Variants in PABPC4L observed in about 807,000 individuals in gnomAD.
The protein encoded by PABPC4L is polyadenylate-binding protein 4-like.
For synonymous variants in PABPC4L, 169 were observed against 164.1 expected, an observed-to-expected ratio of 1.03 and a Z score of -0.23; for missense variants, 452 against 451.4, an observed-to-expected ratio of 1.00 and a Z score of -0.01.
the PABPC4L span, among the ~76,000 whole-genome samples, chr4:134,133,278 T>A: frequency 7.2e-6 from 1 of 138,816 alleles, no homozygotes; most frequent in East Asian, 2.1e-4. Flanking sequence ...AATTATTTAT[T>A]ATATATAATT....
the PABPC4L span, among the ~76,000 whole-genome samples, chr4:134,128,623 A>G: frequency 6.6e-6 from 1 of 152,158 alleles, no homozygotes; most frequent in Non-Finnish European, 1.5e-5. Context: ...ATTCAGCACT[A>G]TCAAGCCAGC....
At chr4:133,965,754 A>C in the PABPC4L span, among the ~76,000 whole-genome samples, 1 of 152,256 alleles carries the variant, frequency 6.6e-6, no homozygotes, top group East Asian at 1.9e-4. Flanking sequence ...TAGGATAGAT[A>C]ATTGGCTAGC....
chr4:133,998,812 C>A, the PABPC4L span, among the ~76,000 whole-genome samples: 2 of 151,552 alleles, frequency 1.3e-5, no homozygotes, highest in Non-Finnish European at 2.9e-5. Flanking sequence ...TAGGATCTTT[C>A]CCCCTAGTTT....
rs995356419 is a variant in PABPC4L at position 134,198,913 on chromosome 4, T to C, written c.*994A>G. Reference sequence around the variant, plus strand: ...CTTAATGGGTTCCATAGCTGCCACATTCTAATAAAAGGAGATGTGAGTACA... The same window carrying C: ...CTTAATGGGTTCCATAGCTGCCACACTCTAATAAAAGGAGATGTGAGTACA... On this transcript the variant is annotated 3_prime_UTR_variant, in exon 2 of 2. Coordinates refer to ENST00000421491, the MANE Select transcript of PABPC4L (RefSeq NM_001114734.2). 2.0e-5 allele frequency: 3 copies of C among 151,984 alleles called. No homozygotes were observed. Among genetic ancestry groups the C allele is most frequent in the African/African-American group, 7.2e-5 (3 of 41,422 alleles). 9.4% of individuals were successfully genotyped at this position (151,984 alleles called of 1,614,324 possible). A position where few individuals can be genotyped will look rare whatever the true frequency, so the allele number is the denominator to read the frequency against.
In PABPC4L at chr4:134,199,243, C is replaced by T. The variant is rs1042811949; in HGVS notation, c.*664G>A. ...AACTAGTAAGTACCTGAATTATAGT[C>T]AACTAATGGAAAGAACAAAACACAT... is the stretch of plus-strand genomic sequence containing the variant. On this transcript the variant is annotated 3_prime_UTR_variant, in exon 2 of 2. Coordinates refer to ENST00000421491, the MANE Select transcript of PABPC4L (RefSeq NM_001114734.2). The T allele has an allele frequency of 6.6e-6, 1 of 151,984 alleles. No homozygotes were observed. Among genetic ancestry groups the T allele is most frequent in the African/African-American group, 2.4e-5 (1 of 41,408 alleles). The allele number at this position is 151,984 out of a possible 1,614,324, so 9.4% of individuals were successfully genotyped here. A position where few individuals can be genotyped will look rare whatever the true frequency, so the allele number is the denominator to read the frequency against.
At chr4:134,135,455 G>A in the PABPC4L span, among the ~76,000 whole-genome samples, 1 of 152,044 alleles carries the variant, frequency 6.6e-6, no homozygotes, top group Non-Finnish European at 1.5e-5. Flanking sequence ...CCAAATGCCT[G>A]ATAAGCATCT....
the PABPC4L span, among the ~76,000 whole-genome samples, chr4:133,989,104 G>A: frequency 1.3e-5 from 2 of 152,044 alleles, no homozygotes; most frequent in Non-Finnish European, 2.9e-5. Context: ...GTCCATGAAA[G>A]CATTTTTTTT....
At chr4:134,048,739 C>A in the PABPC4L span, among the ~76,000 whole-genome samples, 1 of 152,044 alleles carries the variant, frequency 6.6e-6, no homozygotes, top group African/African-American at 2.4e-5. Context: ...TAAACAAAAA[C>A]CAATTTTATG....
the PABPC4L span, among the ~76,000 whole-genome samples, chr4:134,089,529 A>G: frequency 1.3e-5 from 2 of 152,146 alleles, no homozygotes; most frequent in Non-Finnish European, 2.9e-5. Context: ...GTATACATTT[A>G]TAATTGTTCT....
the PABPC4L span, among the ~76,000 whole-genome samples, chr4:134,174,033 C>T: frequency 6.6e-6 from 1 of 151,722 alleles, no homozygotes; most frequent in Admixed American, 6.6e-5. Context: ...TCTTTATATC[C>T]TTATTCAATA....
Position 134,200,840 on chromosome 4 carries a change from C to T in PABPC4L, c.180G>A (p.Gln60=). The change falls in exon 2 of 2, where the codon CAG becomes CAA. Residue 60 remains glutamine, a synonymous_variant. Coordinates refer to ENST00000421491, the MANE Select transcript of PABPC4L (RefSeq NM_001114734.2). ...SLGYAYVNFL[Q]LADAQKALDT... ...CCAGCGCCTTCTGGGCATCAGCCAG[C>T]TGCAAGAAGTTCACGTAGGCATAGC... The T allele has an allele frequency of 1.3e-6, 2 of 1,561,092 alleles. No individual in the cohort carries two copies. Among genetic ancestry groups the T allele is most frequent in the Non-Finnish European group, 1.7e-6 (2 of 1,152,212 alleles).
At chr4:133,982,438 G>A in the PABPC4L span, among the ~76,000 whole-genome samples, 1 of 151,804 alleles carries the variant, frequency 6.6e-6, no homozygotes, top group Admixed American at 6.6e-5. Flanking sequence ...ATGCACCAAG[G>A]GAAACTTAAG....
chr4:134,185,273 A>G, the PABPC4L span, among the ~76,000 whole-genome samples: 1 of 152,138 alleles, frequency 6.6e-6, no homozygotes, highest in Non-Finnish European at 1.5e-5. Context: ...ATGAACATCA[A>G]TGCAAAAATC....
chr4:134,061,982 T>C, the PABPC4L span, among the ~76,000 whole-genome samples: 4 of 151,684 alleles, frequency 2.6e-5, no homozygotes, highest in Admixed American at 6.6e-5. Context: ...TCAAGGAAAA[T>C]GCAATAAACA....
the PABPC4L span, among the ~76,000 whole-genome samples, chr4:133,982,373 T>C: frequency 6.6e-6 from 1 of 152,016 alleles, no homozygotes; most frequent in African/African-American, 2.4e-5. Context: ...ACTAATGCCA[T>C]CTTAATTCAT....
At chr4:134,183,128 T>C in the PABPC4L span, among the ~76,000 whole-genome samples, 1 of 151,948 alleles carries the variant, frequency 6.6e-6, no homozygotes, top group African/African-American at 2.4e-5. Context: ...TGAATATAAA[T>C]TATTCTAACA....
the PABPC4L span, among the ~76,000 whole-genome samples, chr4:134,180,550 C>T: frequency 1.3e-5 from 2 of 151,532 alleles, no homozygotes; most frequent in Non-Finnish European, 2.9e-5. Context: ...CCAGAGGAAA[C>T]TGAGATGCAA....
At chr4:134,055,630 G>GTT in the PABPC4L span, among the ~76,000 whole-genome samples, 709 of 117,370 alleles carry the variant, frequency 6.0e-3, 4 homozygotes, top group Non-Finnish European at 8.6e-3. Flanking sequence ...GTTCCCCGTG[G>GTT]TTTTTTTTTT....
intron 1 of PABPC4L, 37 bp downstream of exon 1, chr4:134,201,681 G>A (rs1729894805): frequency 1.3e-5 from 2 of 152,570 alleles, no homozygotes; most frequent in Non-Finnish European, 2.9e-5. Flanking sequence ...TGACGGACGC[G>A]GCGAAGCGGG....
Sources: gnomAD v4.1 joint callset for allele counts (sites outside exome capture counted in the v4.1 genomes callset) on GRCh38, gnomAD v4.1.1 for gene constraint, MANE v1.5 for transcripts, NCBI Gene and HGNC (gene_info 2026-07-23, HGNC 2026-07-21) for gene names.